SPTA1: variants seen among roughly 807,000 people sequenced by gnomAD.
The protein encoded by SPTA1 is spectrin alpha chain, erythrocytic 1.
SPTA1 carries 177 observed loss-of-function variants against 324.7 expected under a neutral mutation model. The observed-to-expected ratio is 0.55, with a 90% CI of 0.48 to 0.62. SPTA1 has a LOEUF of 0.62. SPTA1 is among the 20% of genes least tolerant of loss of function. The probability of loss-of-function intolerance (pLI) is 0.00; values close to 1 mark genes in which losing one functional copy is unlikely to be tolerated. For synonymous variants in SPTA1, 1,195 were observed against 1,041.3 expected (o/e 1.15, Z -2.84); for missense variants, 3,162 against 2,883.6 (o/e 1.10, Z -2.21).
At chr1:158,653,235 G>T in intron 22 of SPTA1, 39 bp downstream of exon 22, 6 of 1,613,730 alleles carry the variant, frequency 3.7e-6, no homozygotes, top group South Asian at 3.3e-5. Context: ...AAAAATGTCT[G>T]ACCAAATACT....
chr1:158,677,564 C>T, intron 7 of SPTA1, 126 bp downstream of exon 7: 1 of 1,167,662 alleles, frequency 8.6e-7, no homozygotes, highest in Non-Finnish European at 1.2e-6. Flanking sequence ...TTCAAGTGCA[C>T]ACAATTTCTT....
intron 19 of SPTA1, 121 bp from the exon 20 acceptor site, chr1:158,656,777 C>T (rs1055816163): frequency 5.8e-6 from 5 of 861,250 alleles, no homozygotes; most frequent in Non-Finnish European, 3.7e-6. Context: ...TTCCATCTAT[C>T]ATAAAGTTAT....
At chr1:158,624,960 C>T (rs1650173318) in intron 42 of SPTA1, among the ~76,000 whole-genome samples, 1 of 152,296 alleles carries the variant, frequency 6.6e-6, no homozygotes, top group South Asian at 2.1e-4. Flanking sequence ...GAAATTTTGT[C>T]CTGGATCATT....
intron 39 of SPTA1, among the ~76,000 whole-genome samples, chr1:158,633,441 A>G (rs553028867): frequency 1.7e-4 from 26 of 152,128 alleles, no homozygotes; most frequent in Admixed American, 1.5e-3. Context: ...TGGGTGGATC[A>G]CGAGGTCAGG....
intron 47 of SPTA1, 125 bp from the exon 48 acceptor site, chr1:158,615,528 T>A: frequency 1.0e-6 from 1 of 958,096 alleles, no homozygotes; most frequent in Non-Finnish European, 1.6e-6. Flanking sequence ...TGTGAAAAGA[T>A]GAACTACTTG....
chr1:158,648,565 C>T lies in SPTA1; in HGVS notation c.3658G>A (p.Ala1220Thr). 1 of 1,614,016 alleles carries T rather than the reference C, an allele frequency of 6.2e-7. No homozygotes were observed. Among genetic ancestry groups the T allele is most frequent in the Non-Finnish European group, 8.5e-7 (1 of 1,179,976 alleles). The change falls in exon 26 of 52, where the codon GCT becomes ACT. Residue 1220 changes from alanine to threonine, a missense_variant. Ala to Thr is a moderately conservative substitution (Grantham distance 58, BLOSUM62 0). Transcript: ENST00000643759. ...DPGSDLFSVQ[A>T]LQRRHEGFER... ...AAGCCCTCATGCCGTCGCTGAAGAG[C>T]CTGAACACTGAACAGATCTGAGCCA...
At position 158,620,377 on chromosome 1, in the gene SPTA1, C is replaced by A; in HGVS notation, c.6210G>T (p.Val2070=). The A allele has an allele frequency of 6.2e-7, 1 of 1,614,076 alleles. No individual in the cohort carries two copies. The highest frequency in any genetic ancestry group is 8.5e-7 in the Non-Finnish European group (1 of 1,180,052). ...GAATTTCATTCAGGGAGACACAGTG[C>A]ACAGGCTCTGACAAGTTTTCTTCCA... ...EKMEENLSEP[V]HCVSLNEIRQ... The change falls in exon 44 of 52, where the codon GTG becomes GTT. Residue 2070 remains valine, a synonymous_variant. Coordinates refer to ENST00000643759, the MANE Select transcript of SPTA1 (RefSeq NM_003126.4).
chr1:158,671,383 T>C lies in SPTA1; in HGVS notation c.1559A>G (p.Asp520Gly). The C allele has an allele frequency of 6.2e-7, 1 of 1,613,508 alleles. No homozygotes were observed. Among genetic ancestry groups the C allele is most frequent in the South Asian group, 1.1e-5 (1 of 91,046 alleles). The change falls in exon 12 of 52, where the codon GAC becomes GGC. Residue 520 changes from aspartate to glycine, a missense_variant. By Grantham distance (94) the Asp-to-Gly change is moderately conservative. Coordinates refer to ENST00000643759, the MANE Select transcript of SPTA1 (RefSeq NM_003126.4). ...SAEALLQKHE[D>G]FEEAFTAQEE... ...CTGGGCAGTAAAGGCTTCCTCAAAG[T>C]CTTCATGCTTCTGAAGAAGGGCTTC...
In SPTA1 at chr1:158,638,189, G is replaced by T. The variant is rs1651231559; in HGVS notation, c.5033C>A (p.Thr1678Asn). 4 of 1,613,800 alleles carry T rather than the reference G, an allele frequency of 2.5e-6. No individual in the cohort carries two copies. The highest frequency in any genetic ancestry group is 3.4e-6 in the Non-Finnish European group (4 of 1,179,946). Reference protein sequence around the residue: ...TLAEDLLSSGTFNVDQIVKKK... With the variant: ...TLAEDLLSSGNFNVDQIVKKK... ...CTTCACAATCTGATCAACGTTGAAA[G>T]TCCCGCTGGAGAGCAAATCTTCAGC... The change falls in exon 36 of 52, where the codon ACT (threonine) becomes AAT (asparagine). Residue 1678 changes from threonine (T) to asparagine (N), a missense_variant. Physicochemically the swap from Thr to Asn is moderately conservative, Grantham distance 65. Transcript: ENST00000643759.
intron 23 of SPTA1, among the ~76,000 whole-genome samples, chr1:158,651,907 CTCTG>C (rs1230578820): frequency 8.3e-4 from 121 of 145,570 alleles, no homozygotes; most frequent in Admixed American, 7.6e-3. Context: ...CTCTCTCTCT[CTCTG>C]TGTGTGTGTG....
Position 158,661,409 on chromosome 1 carries a change from C to T in SPTA1, c.2465G>A (p.Gly822Glu). 2 of 1,613,828 alleles carry T rather than the reference C, an allele frequency of 1.2e-6. No homozygotes were observed. The highest frequency in any genetic ancestry group is 1.7e-6 in the Non-Finnish European group (2 of 1,179,840). Residue 822 changes from glycine (G) to glutamate (E), a missense_variant and splice_region_variant, in exon 18 of 52, where the codon GGA becomes GAA. Gly to Glu is a moderately conservative substitution (Grantham distance 98, BLOSUM62 -2). Coordinates refer to ENST00000643759, the MANE Select transcript of SPTA1 (RefSeq NM_003126.4). The part of the protein sequence containing the change: ...TEPSATSTYL[G>E]KDLIASKKLL... The stretch of plus-strand genomic sequence containing the variant: ...CTTTTTGGAAGCAATCAGGTCCTTT[C>T]CTGCAGAGGAAAGGAATTTCAAAGT...
chr1:158,668,722 A>G (rs1448958393), intron 14 of SPTA1, among the ~76,000 whole-genome samples: 3 of 152,216 alleles, frequency 2.0e-5, no homozygotes, highest in Non-Finnish European at 4.4e-5. Context: ...TGAGTGCAAT[A>G]TATGTGTTAG....
intron 41 of SPTA1, 114 bp downstream of exon 41, chr1:158,626,725 A>T: frequency 7.7e-7 from 1 of 1,292,004 alleles, no homozygotes. Flanking sequence ...AGGAATGGGT[A>T]GTGATGGAAA....
chr1:158,682,321 T>C (rs765927947), intron 3 of SPTA1, among the ~76,000 whole-genome samples: 3 of 152,170 alleles, frequency 2.0e-5, no homozygotes, highest in Admixed American at 6.5e-5. Context: ...GTGGACCACA[T>C]ATGTCGTTAA....
At chr1:158,626,414 A>G (rs1228579746) in intron 41 of SPTA1, among the ~76,000 whole-genome samples, 192 bp from the exon 42 acceptor site, 1 of 152,166 alleles carries the variant, frequency 6.6e-6, no homozygotes, top group Non-Finnish European at 1.5e-5. Context: ...TTAACGAAAC[A>G]GAGCTAGGGT....
chr1:158,653,300 G>C lies in SPTA1; in HGVS notation c.3162C>G (p.Thr1054=). ...QRRREEPGNI[T]QRQEQIENQY... Reference sequence around the variant, plus strand: ...GGTTCTCAATCTGCTCCTGGCGCTGGGTGATGTTTCCTGGCTCTTCTCGTC... The same window carrying C: ...GGTTCTCAATCTGCTCCTGGCGCTGCGTGATGTTTCCTGGCTCTTCTCGTC... Residue 1054 remains threonine, a synonymous_variant, in exon 22 of 52, where the codon ACC becomes ACG. Coordinates refer to ENST00000643759, the MANE Select transcript of SPTA1 (RefSeq NM_003126.4). 1.2e-6 allele frequency: 2 copies of C among 1,614,100 alleles called. No individual in the cohort carries two copies. The highest frequency in any genetic ancestry group is 2.2e-5 in the South Asian group (2 of 91,074).
rs771826053 is a variant in SPTA1 at position 158,645,305 on chromosome 1, C to A, written c.4077G>T (p.Gly1359=). Residue 1359 remains glycine (G), a synonymous_variant, in exon 29 of 52, where the codon GGG becomes GGT. Transcript: ENST00000643759. Reference sequence around the variant, plus strand: ...TTTCAATTTCAGGGCTAGCATGGTGCCCACTGTCGATAAGTTCTGCACTGA... The same window carrying A: ...TTTCAATTTCAGGGCTAGCATGGTGACCACTGTCGATAAGTTCTGCACTGA... ...EDFSAELIDS[G]HHASPEIEKK... 2 of 1,613,964 alleles carry A rather than the reference C, an allele frequency of 1.2e-6. No homozygotes were observed. The highest frequency in any genetic ancestry group is 2.2e-5 in the East Asian group (1 of 44,878).
chr1:158,652,518 C>T lies in SPTA1; in HGVS notation c.3324G>A (p.Val1108=). The T allele has an allele frequency of 2.5e-6, 4 of 1,614,172 alleles. No homozygotes were observed. Among genetic ancestry groups the T allele is most frequent in the Non-Finnish European group, 3.4e-6 (4 of 1,180,030 alleles). ...GCAGCTCCCAAACATCATCTAGTTC[C>T]ACTCCAGTGTTTTCTGCCTTTTTCT... ...IQEKKAENTG[V]ELDDVWELQK... Residue 1108 remains valine (V), a synonymous_variant, in exon 23 of 52, where the codon GTG becomes GTA. Coordinates refer to ENST00000643759, the MANE Select transcript of SPTA1 (RefSeq NM_003126.4).
chr1:158,623,111 C>A lies in SPTA1; in HGVS notation c.5992G>T (p.Ala1998Ser). 6.2e-7 allele frequency: 1 copy of A among 1,614,100 alleles called. No homozygotes were observed. Among genetic ancestry groups the A allele is most frequent in the Non-Finnish European group, 8.5e-7 (1 of 1,180,030 alleles). Reference protein sequence around the residue: ...ITDLKDKLISAQHNQSKAIEE... With the variant: ...ITDLKDKLISSQHNQSKAIEE... ...ATGGCTTTAGACTGGTTGTGTTGAG[C>A]AGAAATCAGTTTGTCCTTCAGGTCA... The change falls in exon 43 of 52, where the codon GCT (alanine) becomes TCT (serine). Residue 1998 changes from alanine to serine, a missense_variant. Physicochemically the swap from Ala to Ser is moderately conservative, Grantham distance 99 (BLOSUM62 1). Coordinates refer to ENST00000643759, the MANE Select transcript of SPTA1 (RefSeq NM_003126.4).
Sources: allele counts gnomAD v4.1 joint callset (sites outside exome capture counted in the v4.1 genomes callset), GRCh38; gene constraint gnomAD v4.1.1; transcripts MANE v1.5; gene names NCBI Gene and HGNC (gene_info 2026-07-23, HGNC 2026-07-21).